Variants in CLDN16 observed in about 807,000 individuals in gnomAD.
CLDN16 encodes the protein claudin 16, also known as claudin-16.
Under a neutral mutation model 24.6 loss-of-function variants are expected in CLDN16, and 13 were observed. The ratio of observed to expected loss-of-function variants is 0.53; its 90% CI spans 0.34 to 0.84. The LOEUF (loss-of-function observed/expected upper bound fraction) is 0.84. CLDN16 is among the 40% of genes least tolerant of loss of function. The pLI is 0.01. For synonymous variants in CLDN16, 116 were observed against 106.7 expected, an observed-to-expected ratio of 1.09 and a Z score of -0.54; for missense variants, 298 against 292.7, an observed-to-expected ratio of 1.02 and a Z score of -0.13.
chr3:190,321,037 T>C (rs139931474), upstream of CLDN16, among the ~76,000 whole-genome samples: 26 of 152,302 alleles, frequency 1.7e-4, no homozygotes, highest in African/African-American at 6.0e-4. Context: ...TATACAATCC[T>C]TTCCAGTTTT....
At chr3:190,308,266 T>C in the CLDN16 span, 38 of 1,613,642 alleles carry the variant, frequency 2.4e-5, no homozygotes, top group Non-Finnish European at 5.1e-6. Flanking sequence ...TTTTCTCCTT[T>C]TGCCTCTGTG....
intron 1 of CLDN16, among the ~76,000 whole-genome samples, chr3:190,330,521 C>T (rs1435327745): frequency 6.6e-6 from 1 of 151,958 alleles, no homozygotes; most frequent in Non-Finnish European, 1.5e-5. Context: ...TTTTTATTTG[C>T]AAAATAAGAA....
the CLDN16 span, among the ~76,000 whole-genome samples, chr3:190,311,351 G>C: frequency 1.3e-5 from 2 of 152,212 alleles, no homozygotes; most frequent in East Asian, 1.9e-4. Flanking sequence ...TAAATTATTG[G>C]GAATAAGACA....
the CLDN16 span, chr3:190,306,449 A>T: frequency 6.6e-6 from 1 of 152,294 alleles, no homozygotes; most frequent in East Asian, 1.9e-4. Context: ...TTAATTCCTC[A>T]ATTCTTTCCC....
chr3:190,411,567 A>G lies in CLDN16; in HGVS notation c.*1531A>G, dbSNP rs1719287507. ...CCAGAAATTAGTTCTTTGAAAAAAA[A>G]GAAATTAAGTTGTGAATTTCTAAAG... is the stretch of plus-strand genomic sequence containing the variant. On this transcript the variant is annotated 3_prime_UTR_variant, in exon 5 of 5. Coordinates refer to ENST00000264734, the MANE Select transcript of CLDN16 (RefSeq NM_006580.4). The G allele has an allele frequency of 1.3e-5, 2 of 152,206 alleles. No individual in the cohort carries two copies. The highest frequency in any genetic ancestry group is 4.8e-5 in the African/African-American group (2 of 41,466). The allele number at this position is 152,206 out of a possible 1,614,324, so 9.4% of individuals were successfully genotyped here. A position where few individuals can be genotyped will look rare whatever the true frequency, so the allele number is the denominator to read the frequency against.
chr3:190,349,377 T>C (rs1717623819), intron 1 of CLDN16, among the ~76,000 whole-genome samples: 1 of 152,204 alleles, frequency 6.6e-6, no homozygotes, highest in South Asian at 2.1e-4. Flanking sequence ...GCCATGATTG[T>C]AAGTTTCCTG....
intron 2 of CLDN16, among the ~76,000 whole-genome samples, chr3:190,371,970 C>G (rs890819859): frequency 5.9e-5 from 9 of 151,924 alleles, no homozygotes; most frequent in African/African-American, 1.7e-4. Flanking sequence ...TGCGTCTGTG[C>G]TCTCTTTCTT....
chr3:190,345,578 C>T (rs867025540), intron 1 of CLDN16, among the ~76,000 whole-genome samples: 37 of 152,216 alleles, frequency 2.4e-4, no homozygotes, highest in African/African-American at 8.7e-4. Flanking sequence ...GGCCTAGCTC[C>T]GTCTCTCTTT....
chr3:190,321,204 C>T (rs145350966), upstream of CLDN16, among the ~76,000 whole-genome samples: 437 of 152,278 alleles, frequency 2.9e-3, no homozygotes, highest in African/African-American at 1.0e-2. Context: ...CCCTTCAGTG[C>T]CTTTACTTTT....
chr3:190,389,827 G>A (rs1479403470), intron 1 of CLDN16, among the ~76,000 whole-genome samples: 1 of 152,114 alleles, frequency 6.6e-6, no homozygotes, highest in Non-Finnish European at 1.5e-5. Flanking sequence ...ACAGAAATAT[G>A]TTTAACTTGA....
At chr3:190,402,259 C>A (rs995825000) in intron 1 of CLDN16, 78 bp from the exon 2 acceptor site, 6 of 1,103,206 alleles carry the variant, frequency 5.4e-6, no homozygotes, top group Middle Eastern at 2.0e-4. Context: ...ACACAACCAC[C>A]AACTTCTCTT....
chr3:190,358,674 AC>A (rs778287760), intron 1 of CLDN16, among the ~76,000 whole-genome samples: 2 of 151,996 alleles, frequency 1.3e-5, no homozygotes, highest in Non-Finnish European at 2.9e-5. Flanking sequence ...ATTAAAAAAA[AC>A]AACAAGTTTA....
At chr3:190,312,231 T>TA in the CLDN16 span, among the ~76,000 whole-genome samples, 1 of 151,948 alleles carries the variant, frequency 6.6e-6, no homozygotes, top group Non-Finnish European at 1.5e-5. Context: ...ACACCTGGCC[T>TA]AAAAAACACG....
upstream of CLDN16, among the ~76,000 whole-genome samples, chr3:190,319,428 G>A (rs531018491): frequency 6.6e-6 from 1 of 152,066 alleles, no homozygotes; most frequent in Admixed American, 6.6e-5. Context: ...TTCATAAACC[G>A]CTTGGCAAGA....
intron 1 of CLDN16, among the ~76,000 whole-genome samples, chr3:190,336,795 GA>G (rs1311329459): frequency 6.6e-6 from 1 of 152,242 alleles, no homozygotes; most frequent in Admixed American, 6.5e-5. Flanking sequence ...ATCAAGACAT[GA>G]GACAAAAGCT....
At chr3:190,322,863 T>C (rs935163316) in intron 1 of CLDN16, among the ~76,000 whole-genome samples, 2 of 152,200 alleles carry the variant, frequency 1.3e-5, no homozygotes, top group Admixed American at 6.5e-5. Flanking sequence ...CATTTCTCTC[T>C]CCTTTGCTTG....
chr3:190,405,621 T>A (rs1025787533), intron 3 of CLDN16, among the ~76,000 whole-genome samples: 6 of 152,092 alleles, frequency 3.9e-5, no homozygotes, highest in African/African-American at 1.4e-4. Flanking sequence ...CCACCAATTC[T>A]TTTTAACAAT....
upstream of CLDN16, among the ~76,000 whole-genome samples, chr3:190,318,296 C>T (rs1577391728): frequency 6.6e-6 from 1 of 152,242 alleles, no homozygotes; most frequent in South Asian, 2.1e-4. Context: ...TAAGTTGATG[C>T]TTCTATATTA....
At chr3:190,304,419 T>C in the CLDN16 span, among the ~76,000 whole-genome samples, 3 of 152,148 alleles carry the variant, frequency 2.0e-5, no homozygotes, top group Non-Finnish European at 2.9e-5. Context: ...GTGATAGGTG[T>C]CCCGTAAATA....
Sources: allele counts gnomAD v4.1 joint callset (sites outside exome capture counted in the v4.1 genomes callset), GRCh38; gene constraint gnomAD v4.1.1; transcripts MANE v1.5; gene names NCBI Gene and HGNC (gene_info 2026-07-23, HGNC 2026-07-21).